Variants in LMTK2 observed in about 807,000 individuals in gnomAD.
LMTK2 encodes serine/threonine-protein kinase LMTK2.
A neutral mutation model predicts 127.5 loss-of-function variants in LMTK2; 37 were observed. The ratio of observed to expected loss-of-function variants is 0.29; its 90% CI spans 0.22 to 0.38. LMTK2 has a LOEUF of 0.38. Among genes scored for constraint, LMTK2 ranks in the 10% least tolerant of loss-of-function variants. The pLI, the probability that LMTK2 is intolerant of heterozygous loss-of-function variation, is 1.00. For synonymous variants in LMTK2, 819 were observed against 810.1 expected (o/e 1.01, Z -0.19); for missense variants, 1,694 against 1,920.3 (o/e 0.88, Z 2.20).
At chr7:98,178,325 C>T (rs190559278) in intron 7 of LMTK2, among the ~76,000 whole-genome samples, 4 of 152,252 alleles carry the variant, frequency 2.6e-5, no homozygotes, top group African/African-American at 4.8e-5. Context: ...TGGAGAACCC[C>T]GAAGACGCGC....
intron 1 of LMTK2, among the ~76,000 whole-genome samples, chr7:98,107,937 C>T (rs1045594366): frequency 6.6e-6 from 1 of 151,802 alleles, no homozygotes; most frequent in South Asian, 2.1e-4. Context: ...TTCTTTTCTC[C>T]CCCCCCGCCC....
chr7:98,171,490 C>A lies in LMTK2; in HGVS notation c.658-51C>A, dbSNP rs1157475486. The A allele has an allele frequency of 6.2e-7, 1 of 1,613,244 alleles. No homozygotes were observed. On this transcript the variant is annotated intron_variant, in intron 6 of 13. Transcript: ENST00000297293. This position sits in a 1 kb window ranked among gnomAD's most constrained non-coding sequence, Gnocchi z 5.1. The stretch of plus-strand genomic sequence containing the variant: ...TCACCGAGGCACGTATTTAAGCGCT[C>A]ACTTTATTCCTGTGGCTCGTTTGGA...
chr7:98,112,357 C>T (rs1460059998), intron 1 of LMTK2, among the ~76,000 whole-genome samples: 2 of 152,194 alleles, frequency 1.3e-5, no homozygotes, highest in East Asian at 3.8e-4. Flanking sequence ...GTCACTGCAC[C>T]AGGCAAGACT....
At position 98,206,889 on chromosome 7, in the gene LMTK2, C is replaced by G. The variant is rs1166647591; in HGVS notation, c.*1397C>G. The G allele has an allele frequency of 6.6e-6, 1 of 152,230 alleles. No homozygotes were observed. Among genetic ancestry groups the G allele is most frequent in the Admixed American group, 6.5e-5 (1 of 15,288 alleles). The allele number at this position is 152,230 out of a possible 1,614,324, so 9.4% of individuals were successfully genotyped here. A position where few individuals can be genotyped will look rare whatever the true frequency, so the allele number is the denominator to read the frequency against. Reference sequence around the variant, plus strand: ...GAGCATCAGCAGCCGACACATAGTTCGGGTCGGGGCCTTGGGTGGTCCTGC... The same window carrying G: ...GAGCATCAGCAGCCGACACATAGTTGGGGTCGGGGCCTTGGGTGGTCCTGC... On this transcript the variant is annotated 3_prime_UTR_variant, in exon 14 of 14. Transcript: ENST00000297293.
chr7:98,168,137 TTAAC>T (rs1302777766), intron 6 of LMTK2, among the ~76,000 whole-genome samples: 1 of 152,016 alleles, frequency 6.6e-6, no homozygotes, highest in Non-Finnish European at 1.5e-5. Context: ...TCTGAGGAGT[TTAAC>T]TACGGAAAGG....
intron 6 of LMTK2, among the ~76,000 whole-genome samples, chr7:98,159,796 A>G (rs574966679): frequency 2.6e-5 from 4 of 152,320 alleles, no homozygotes; most frequent in Non-Finnish European, 4.4e-5. Flanking sequence ...AGCGTGAACC[A>G]GGCTTGAAAC....
chr7:98,149,064 T>A lies in LMTK2; in HGVS notation c.377-2318T>A, dbSNP rs78681116. Among the ~76,000 whole-genome samples, 52 of 152,344 alleles carry A rather than the reference T, an allele frequency of 3.4e-4. No homozygotes were observed. The East Asian group carries it at 9.5e-3, about 28-fold the overall frequency. On this transcript the variant is annotated intron_variant, in intron 3 of 13. Transcript: ENST00000297293. ...GGCAGTAGCTTGTTCTCATTTGCCTTTCGTTGTTTTCGAGGAATATGTGAC... is the reference window on the plus strand; with the variant it reads ...GGCAGTAGCTTGTTCTCATTTGCCTATCGTTGTTTTCGAGGAATATGTGAC...
intron 7 of LMTK2, among the ~76,000 whole-genome samples, chr7:98,180,188 C>T (rs1175243229): frequency 1.3e-5 from 2 of 152,178 alleles, no homozygotes; most frequent in African/African-American, 4.8e-5. Flanking sequence ...CGGTGTTAGC[C>T]GTTGCTGTCA....
At chr7:98,153,999 A>G (rs1429471752) in intron 4 of LMTK2, among the ~76,000 whole-genome samples, 1 of 152,220 alleles carries the variant, frequency 6.6e-6, no homozygotes, top group East Asian at 1.9e-4. Context: ...AAATTAATCT[A>G]TTTTAAAAGG....
intron 11 of LMTK2, among the ~76,000 whole-genome samples, chr7:98,197,756 C>T (rs1194665423): frequency 1.3e-5 from 2 of 152,168 alleles, no homozygotes; most frequent in South Asian, 2.1e-4. Flanking sequence ...GCAGGAGGAT[C>T]GCTTAAACCC....
In LMTK2 at chr7:98,200,601, C is replaced by T. The variant is rs192907354; in HGVS notation, c.4108-2973C>T. On this transcript the variant is annotated intron_variant, in intron 11 of 13. Transcript: ENST00000297293. ...TCTTGTCACTGATCTCTGTTCAGAT[C>T]GTTTCTGGAGTTGTCCCTTGGTTTC... 2.0e-3 allele frequency among the ~76,000 whole-genome samples: 308 copies of T among 152,252 alleles called. 1 individual carries two copies. The highest frequency in any genetic ancestry group is 3.1e-3 in the Non-Finnish European group (208 of 68,024).
In LMTK2 at chr7:98,192,298, A is replaced by C. The variant is rs1157366341; in HGVS notation, c.1833A>C (p.Thr611=). The change falls in exon 11 of 14, where the codon ACA becomes ACC. Residue 611 remains threonine (T), a synonymous_variant. Transcript: ENST00000297293. ...ATGAGGACTTCTTCCAAAGCAGTAC[A>C]GACCCCAAAGACTCTAGCTTACCAG... ...STDEDFFQSS[T]DPKDSSLPGD... 6.5e-7 allele frequency: 1 copy of C among 1,545,080 alleles called. No individual in the cohort carries two copies. Among genetic ancestry groups the C allele is most frequent in the Non-Finnish European group, 8.7e-7 (1 of 1,152,706 alleles).
intron 1 of LMTK2, among the ~76,000 whole-genome samples, chr7:98,112,769 A>G (rs2116315953): frequency 6.6e-6 from 1 of 152,338 alleles, no homozygotes; most frequent in South Asian, 2.1e-4. Context: ...GAAAAAAGAA[A>G]GAAGAAAAGA....
chr7:98,194,394 C>G lies in LMTK2; in HGVS notation c.3929C>G (p.Ser1310Trp), dbSNP rs181117109. 6.2e-6 allele frequency: 10 copies of G among 1,614,152 alleles called. No individual in the cohort carries two copies. In the East Asian group the frequency reaches 2.2e-4, roughly 36 times the overall value. ...AACCTGCATAGCCTCAGCTCCGAGT[C>G]GGAGGACGAGACCGAGCACCCCGTG... The part of the protein sequence containing the change: ...AFNLHSLSSE[S>W]EDETEHPVPI... The change falls in exon 11 of 14, where the codon TCG becomes TGG. Residue 1310 changes from serine (S) to tryptophan (W), a missense_variant. This residue lies in a region of LMTK2 where 554 missense variants were observed against 567.7 expected (regional missense o/e 0.98). Coordinates refer to ENST00000297293, the MANE Select transcript of LMTK2 (RefSeq NM_014916.4). This position sits in a 1 kb window ranked among gnomAD's most constrained non-coding sequence, Gnocchi z 5.4.
chr7:98,199,181 T>C (rs546517296), intron 11 of LMTK2, among the ~76,000 whole-genome samples: 5 of 152,018 alleles, frequency 3.3e-5, no homozygotes, highest in Non-Finnish European at 7.4e-5. Context: ...AAAGAGTGTG[T>C]ATTTTGGTTT....
intron 2 of LMTK2, among the ~76,000 whole-genome samples, chr7:98,139,053 C>T (rs1247645288): frequency 6.6e-6 from 1 of 152,222 alleles, no homozygotes; most frequent in Non-Finnish European, 1.5e-5. Flanking sequence ...AGTCTGGTAA[C>T]ACAGGTGACT....
In LMTK2 at chr7:98,194,246, A is replaced by T; in HGVS notation, c.3781A>T (p.Ile1261Phe). The T allele has an allele frequency of 8.7e-6, 14 of 1,614,178 alleles. No homozygotes were observed. The highest frequency in any genetic ancestry group is 1.2e-5 in the Non-Finnish European group (14 of 1,180,026). ...GGGCCCGAAGTTGAAGGAGCCGGAC[A>T]TCGAAGGGAAGTACCTGGGGAAACT... ...SEGPKLKEPD[I>F]EGKYLGKLGV... is the part of the protein sequence containing the mutation. Residue 1261 changes from isoleucine to phenylalanine, a missense_variant, in exon 11 of 14, where the codon ATC becomes TTC. By Grantham distance (21) the Ile-to-Phe change is conservative. Coordinates refer to ENST00000297293, the MANE Select transcript of LMTK2 (RefSeq NM_014916.4). This position sits in a 1 kb window ranked among gnomAD's most constrained non-coding sequence, Gnocchi z 5.4.
At chr7:98,200,511 A>G (rs1315888119) in intron 11 of LMTK2, among the ~76,000 whole-genome samples, 1 of 152,170 alleles carries the variant, frequency 6.6e-6, no homozygotes, top group Non-Finnish European at 1.5e-5. Flanking sequence ...GACTTTTTGT[A>G]TATGTGGGTT....
rs1796853447 is a variant in LMTK2, at chr7:98,151,424, T to C, written c.419T>C (p.Ile140Thr). The C allele has an allele frequency of 6.2e-7, 1 of 1,613,854 alleles. No individual in the cohort carries two copies. Among genetic ancestry groups the C allele is most frequent in the African/African-American group, 1.3e-5 (1 of 74,948 alleles). Residue 140 changes from isoleucine to threonine, a missense_variant, in exon 4 of 14, where the codon ATA becomes ACA. Ile to Thr is a moderately conservative substitution (Grantham distance 89). Coordinates refer to ENST00000297293, the MANE Select transcript of LMTK2 (RefSeq NM_014916.4). ...SQVARHSLNYIQEIGNGWFGK... is the reference protein window; with the variant it reads ...SQVARHSLNYTQEIGNGWFGK... The stretch of plus-strand genomic sequence containing the variant: ...GTTGCCCGCCACAGTCTAAACTACA[T>C]ACAGGAAATTGGAAATGGCTGGTTT...
Sources: gnomAD v4.1 joint callset for allele counts (sites outside exome capture counted in the v4.1 genomes callset) on GRCh38, gnomAD v4.1.1 for gene constraint, gnomAD v4.1.1 regional missense constraint, Gnocchi (gnomAD v3.1) non-coding constraint, MANE v1.5 for transcripts, NCBI Gene and HGNC (gene_info 2026-07-23, HGNC 2026-07-21) for gene names.